Variants in RNF150 observed in about 807,000 individuals in gnomAD.
RNF150 encodes ring finger protein 150.
RNF150 carries 24 observed loss-of-function variants against 39.3 expected under a neutral mutation model. The observed-to-expected ratio is 0.61, with a 90% CI of 0.44 to 0.86. The LOEUF (loss-of-function observed/expected upper bound fraction) is 0.86. Among genes scored for constraint, RNF150 ranks in the 40% least tolerant of loss-of-function variants. The probability of loss-of-function intolerance (pLI) is 0.00; values close to 1 mark genes in which losing one functional copy is unlikely to be tolerated. For synonymous variants in RNF150, 255 were observed against 227.3 expected (o/e 1.12, Z -1.10); for missense variants, 502 against 587.8 (o/e 0.85, Z 1.51).
chr4:140,935,005 AT>A (rs1433829691), intron 4 of RNF150, among the ~76,000 whole-genome samples: 1,527 of 111,704 alleles, frequency 0.014, 31 homozygotes, highest in South Asian at 0.051. Context: ...ATATATATAT[AT>A]AAATATATAT....
intron 1 of RNF150, chr4:141,053,764 G>A (rs1046868659): frequency 1.6e-5 from 19 of 1,189,036 alleles, no homozygotes; most frequent in African/African-American, 1.6e-4. Flanking sequence ...AAAAGAAAAC[G>A]AGATAAGTGA....
At chr4:140,935,762 T>G (rs931369467) in intron 4 of RNF150, among the ~76,000 whole-genome samples, 2 of 152,228 alleles carry the variant, frequency 1.3e-5, no homozygotes, top group Non-Finnish European at 2.9e-5. Context: ...TTGCATAGCT[T>G]CTTTGGTACT....
intron 1 of RNF150, among the ~76,000 whole-genome samples, chr4:141,207,685 C>T (rs1304009690): frequency 1.3e-5 from 2 of 152,172 alleles, no homozygotes; most frequent in Admixed American, 6.5e-5. Context: ...AAAGCCTACC[C>T]AGACTTCCAA....
At position 140,919,681 on chromosome 4, in the gene RNF150, A is replaced by T. The variant is rs1303026637; in HGVS notation, c.987+6296T>A. ...TGACTTTCTTCACAGAACTGGAAAA[A>T]ACTACCTTAAAGTTCATATGGAACC... On this transcript the variant is annotated intron_variant, in intron 5 of 6. Coordinates refer to ENST00000515673, the MANE Select transcript of RNF150 (RefSeq NM_020724.2). Among the ~76,000 whole-genome samples, 19 of 150,764 alleles carry T rather than the reference A, an allele frequency of 1.3e-4. 1 individual carries two copies. The Admixed American group carries it at 1.3e-3, about 10-fold the overall frequency.
At chr4:141,161,025 A>G (rs1215784468) in intron 1 of RNF150, among the ~76,000 whole-genome samples, 3 of 152,336 alleles carry the variant, frequency 2.0e-5, no homozygotes, top group Non-Finnish European at 4.4e-5. Context: ...AAATTGAGTA[A>G]TGAGCAGAGG....
intron 1 of RNF150, among the ~76,000 whole-genome samples, chr4:141,076,712 A>G (rs1737909578): frequency 6.6e-6 from 1 of 152,044 alleles, no homozygotes. Flanking sequence ...AGCCCTTTTG[A>G]GACCTTTACT....
At chr4:141,081,520 A>G (rs1299182311) in intron 1 of RNF150, among the ~76,000 whole-genome samples, 1 of 152,208 alleles carries the variant, frequency 6.6e-6, no homozygotes, top group Non-Finnish European at 1.5e-5. Context: ...GCAGCTTTAC[A>G]TTTACAAAAT....
chr4:141,057,400 ACTT>A (rs1007228276), intron 1 of RNF150, among the ~76,000 whole-genome samples: 1 of 152,010 alleles, frequency 6.6e-6, no homozygotes, highest in African/African-American at 2.4e-5. Flanking sequence ...TCATGGTGTT[ACTT>A]CTTTTAAAAA....
At chr4:141,038,690 C>CA (rs146987858) in intron 1 of RNF150, among the ~76,000 whole-genome samples, 2,222 of 136,520 alleles carry the variant, frequency 0.016, 20 homozygotes, top group Non-Finnish European at 0.025. Flanking sequence ...GACCCTCCCT[C>CA]AAAAAAAAAA....
intron 1 of RNF150, among the ~76,000 whole-genome samples, chr4:141,047,551 A>G (rs1025463776): frequency 6.6e-6 from 1 of 152,202 alleles, no homozygotes; most frequent in African/African-American, 2.4e-5. Context: ...TTTTACCTTG[A>G]AAAACAGAAA....
intron 1 of RNF150, among the ~76,000 whole-genome samples, chr4:141,017,085 C>G (rs1735305152): frequency 6.6e-6 from 1 of 152,084 alleles, no homozygotes; most frequent in Admixed American, 6.6e-5. Flanking sequence ...TTGGAAAACT[C>G]TAAGGTACCA....
At chr4:141,174,056 A>G (rs1278478574) in intron 1 of RNF150, among the ~76,000 whole-genome samples, 1 of 152,206 alleles carries the variant, frequency 6.6e-6, no homozygotes, top group East Asian at 1.9e-4. Flanking sequence ...GGTAAATTCT[A>G]GTTGACTTCA....
chr4:141,132,786 G>A lies in RNF150; in HGVS notation c.23C>T (p.Ala8Val), dbSNP rs772322725. ...TGTTGAGAGAGCCAGACTGCAGCAC[G>A]CTTGGATGAGAGACATTGCCATCTT... MAMSLIQACCSLALSTWL... is the reference protein window; with the variant it reads MAMSLIQVCCSLALSTWL... Residue 8 changes from alanine (A) to valine (V), a missense_variant, in exon 1 of 7, where the codon GCG becomes GTG. Physicochemically the swap from Ala to Val is moderately conservative, Grantham distance 64. Coordinates refer to ENST00000515673, the MANE Select transcript of RNF150 (RefSeq NM_020724.2). This position sits in a 1 kb window ranked among gnomAD's most constrained non-coding sequence, Gnocchi z 4.9. 8 of 1,609,294 alleles carry A rather than the reference G, an allele frequency of 5.0e-6. No individual in the cohort carries two copies. Among genetic ancestry groups the A allele is most frequent in the South Asian group, 4.4e-5 (4 of 91,002 alleles).
At chr4:141,203,364 G>GAT (rs1374889007) in intron 1 of RNF150, among the ~76,000 whole-genome samples, 1 of 149,570 alleles carries the variant, frequency 6.7e-6, no homozygotes, top group Non-Finnish European at 1.5e-5. Context: ...TCTTGGAGAT[G>GAT]ATATATATAT....
intron 1 of RNF150, among the ~76,000 whole-genome samples, chr4:141,001,032 TATAATC>T (rs1196399321): frequency 6.6e-6 from 1 of 152,220 alleles, no homozygotes; most frequent in Non-Finnish European, 1.5e-5. Context: ...TAATTTTACT[TATAATC>T]AAATAATGTT....
intron 1 of RNF150, among the ~76,000 whole-genome samples, chr4:141,186,608 T>C (rs577066940): frequency 1.3e-4 from 19 of 151,974 alleles, no homozygotes; most frequent in Non-Finnish European, 2.2e-4. Flanking sequence ...GGTTTCACCA[T>C]GTTAGCCAGG....
intron 1 of RNF150, among the ~76,000 whole-genome samples, chr4:141,122,411 T>C (rs1353614780): frequency 6.6e-6 from 1 of 152,242 alleles, no homozygotes; most frequent in African/African-American, 2.4e-5. Flanking sequence ...GCACCGCCAA[T>C]ATCCAACAGA....
chr4:141,062,509 C>G (rs1737277127), intron 1 of RNF150, among the ~76,000 whole-genome samples: 1 of 150,712 alleles, frequency 6.6e-6, no homozygotes, highest in Admixed American at 6.6e-5. Flanking sequence ...GTTTTTTTTT[C>G]CTTTACATAT....
rs540831701 is a variant in RNF150, at chr4:140,970,792, A to G, written c.485-2919T>C. Among the ~76,000 whole-genome samples the G allele has an allele frequency of 2.5e-4, 38 of 152,246 alleles. 1 individual carries two copies. Among genetic ancestry groups the G allele is most frequent in the African/African-American group, 8.4e-4 (35 of 41,560 alleles). On this transcript the variant is annotated intron_variant, in intron 1 of 6. Transcript: ENST00000515673. ...ACATATAATATCCACTTAGAAAGACAAACAGTGCAAATGGCAGTGGGGAGG... is the reference window on the plus strand; with the variant it reads ...ACATATAATATCCACTTAGAAAGACGAACAGTGCAAATGGCAGTGGGGAGG...
Sources: gnomAD v4.1 joint callset for allele counts (sites outside exome capture counted in the v4.1 genomes callset) on GRCh38, gnomAD v4.1.1 for gene constraint, Gnocchi (gnomAD v3.1) non-coding constraint, MANE v1.5 for transcripts, NCBI Gene and HGNC (gene_info 2026-07-23, HGNC 2026-07-21) for gene names.